Variants in ZNF565 observed in about 807,000 individuals in gnomAD.
ZNF565 encodes zinc finger protein 565.
Under a neutral mutation model 39.4 loss-of-function variants are expected in ZNF565, and 27 were observed. That is an observed-to-expected ratio of 0.69 (90% CI 0.51 to 0.95). ZNF565 has a LOEUF of 0.95. ZNF565 is among the 40% of genes least tolerant of loss of function. ZNF565 has a pLI of 0.00. For missense variants in ZNF565, 524 were observed against 621.1 expected (o/e 0.84, Z 1.66); for synonymous variants, 185 against 216.6 (o/e 0.85, Z 1.28).
At chr19:36,228,469 A>G (rs1977180692) in intron 1 of ZNF565, 1 of 152,244 alleles carries the variant, frequency 6.6e-6, no homozygotes. Context: ...TCTGAAAGGT[A>G]ATTCTCCCTT....
In ZNF565 at chr19:36,206,900, G is replaced by C. The variant is rs889106594; in HGVS notation, c.-65-4850C>G. Reference sequence around the variant, plus strand: ...ATGTCCTACAGATAAAAACAAAGAAGATTAAGGGGAGAGGGAGTTTTGGAG... The same window carrying C: ...ATGTCCTACAGATAAAAACAAAGAACATTAAGGGGAGAGGGAGTTTTGGAG... On this transcript the variant is annotated intron_variant, in intron 1 of 4. Transcript: ENST00000304116. Among the ~76,000 whole-genome samples the C allele has an allele frequency of 2.6e-5, 4 of 152,108 alleles. No individual in the cohort carries two copies. The East Asian group carries it at 7.7e-4, about 29-fold the overall frequency.
intron 1 of ZNF565, among the ~76,000 whole-genome samples, chr19:36,210,729 A>G (rs1006067826): frequency 1.3e-5 from 2 of 151,706 alleles, no homozygotes; most frequent in African/African-American, 2.4e-5. Context: ...GGCTCAAGCA[A>G]TCCTCCCGCC....
At chr19:36,220,922 G>T (rs1976809130) in intron 1 of ZNF565, among the ~76,000 whole-genome samples, 1 of 150,876 alleles carries the variant, frequency 6.6e-6, no homozygotes, top group Admixed American at 6.6e-5. Flanking sequence ...TGTGATCTTG[G>T]CTCACTTGCA....
intron 4 of ZNF565, among the ~76,000 whole-genome samples, chr19:36,187,267 A>G (rs1218135861): frequency 6.6e-6 from 1 of 152,130 alleles, no homozygotes; most frequent in Non-Finnish European, 1.5e-5. Flanking sequence ...TCAAGAAAGT[A>G]ATTCCATTCA....
intron 1 of ZNF565, among the ~76,000 whole-genome samples, chr19:36,231,452 G>GC (rs1977366712): frequency 1.3e-5 from 2 of 152,040 alleles, no homozygotes; most frequent in African/African-American, 4.8e-5. Flanking sequence ...CAAGTGATCT[G>GC]CCCGCCTCAG....
intron 3 of ZNF565, 113 bp from the exon 4 acceptor site, chr19:36,194,441 G>T: frequency 1.3e-6 from 1 of 758,786 alleles, no homozygotes; most frequent in Non-Finnish European, 2.0e-6. Context: ...GTTGTCCAAA[G>T]GATAGGAAGA....
chr19:36,183,179 G>T lies in ZNF565; in HGVS notation c.787C>A (p.His263Asn). 6.2e-7 allele frequency: 1 copy of T among 1,614,102 alleles called. No individual in the cohort carries two copies. Among genetic ancestry groups the T allele is most frequent in the Non-Finnish European group, 8.5e-7 (1 of 1,180,028 alleles). The part of the protein sequence containing the change: ...CKECGKTFRQ[H>N]SQLILHQRTH... ...CTTTGATGCAGAATCAGCTGTGAAT[G>T]CTGCCTAAAGGTCTTCCCACATTCT... The change falls in exon 5 of 5, where the codon CAT becomes AAT. Residue 263 changes from histidine (H) to asparagine (N), a missense_variant. Transcript: ENST00000304116.
In ZNF565 at chr19:36,182,348, T is replaced by C. The variant is rs376880678; in HGVS notation, c.*118A>G. 2.7e-5 allele frequency: 22 copies of C among 805,826 alleles called. No homozygotes were observed. Among genetic ancestry groups the C allele is most frequent in the African/African-American group, 2.4e-4 (14 of 58,584 alleles). The allele number at this position is 805,826 out of a possible 1,614,324, so 49.9% of individuals were successfully genotyped here. ...TGGGTGTGAGTTTTCTGATGTTCTATGATGGAAGTGACAGGTGTTTTCTGA... is the reference window on the plus strand; with the variant it reads ...TGGGTGTGAGTTTTCTGATGTTCTACGATGGAAGTGACAGGTGTTTTCTGA... On this transcript the variant is annotated 3_prime_UTR_variant, in exon 5 of 5. Coordinates refer to ENST00000304116, the MANE Select transcript of ZNF565 (RefSeq NM_152477.5).
chr19:36,212,041 T>C (rs1052591552), intron 1 of ZNF565, among the ~76,000 whole-genome samples: 3 of 152,208 alleles, frequency 2.0e-5, no homozygotes, highest in Non-Finnish European at 4.4e-5. Flanking sequence ...AATCTGGCAA[T>C]CACCGTCTTA....
intron 4 of ZNF565, among the ~76,000 whole-genome samples, chr19:36,188,744 C>T (rs1327125646): frequency 2.0e-5 from 3 of 147,696 alleles, no homozygotes; most frequent in Non-Finnish European, 4.5e-5. Context: ...ACAACAACAA[C>T]AAAAAACAGA....
At chr19:36,186,781 T>G (rs1279679933) in intron 4 of ZNF565, among the ~76,000 whole-genome samples, 3 of 151,726 alleles carry the variant, frequency 2.0e-5, no homozygotes, top group Non-Finnish European at 2.9e-5. Context: ...GAGCAAGAAC[T>G]TGTTTAAAAA....
chr19:36,228,330 G>T (rs184129564), intron 1 of ZNF565: 1 of 152,300 alleles, frequency 6.6e-6, no homozygotes, highest in Non-Finnish European at 1.5e-5. Context: ...TCAGACATGG[G>T]TGTTGAATTC....
At chr19:36,229,470 G>A (rs940555751) in intron 1 of ZNF565, among the ~76,000 whole-genome samples, 5 of 152,020 alleles carry the variant, frequency 3.3e-5, no homozygotes, top group African/African-American at 7.2e-5. Flanking sequence ...TCAGACTCCC[G>A]AAAAAATCTC....
chr19:36,182,251 A>G (rs1599903604), downstream of ZNF565: 2 of 397,940 alleles, frequency 5.0e-6, no homozygotes, highest in Non-Finnish European at 8.7e-6. Flanking sequence ...ATTTTTTTTT[A>G]GCATAGATTA....
At position 36,231,582 on chromosome 19, in the gene ZNF565, A is replaced by G. The variant is rs1213848580; in HGVS notation, c.55+13894T>C. On this transcript the variant is annotated intron_variant, in intron 1 of 4. Transcript: ENST00000355114. ...CTCCAGAGTTTCTGTCTTGCCTTAC[A>G]CAACTTTACCTGTTTATGGGACAGA... is the stretch of plus-strand genomic sequence containing the variant. Among the ~76,000 whole-genome samples the G allele has an allele frequency of 3.3e-5, 5 of 152,176 alleles. No homozygotes were observed. In the East Asian group the frequency reaches 7.7e-4, roughly 23 times the overall value.
intron 1 of ZNF565, 53 bp from the exon 2 acceptor site, chr19:36,202,103 C>A: frequency 1.1e-6 from 1 of 936,014 alleles, no homozygotes; most frequent in South Asian, 1.3e-5. Flanking sequence ...ACTGAGCTTG[C>A]CTCAGCACTC....
At chr19:36,209,702 G>A (rs1976283861) in intron 1 of ZNF565, among the ~76,000 whole-genome samples, 1 of 151,984 alleles carries the variant, frequency 6.6e-6, no homozygotes, top group Non-Finnish European at 1.5e-5. Context: ...AGTAATAAAT[G>A]AACAATCTAT....
At chr19:36,204,117 T>A (rs1450699370) in intron 1 of ZNF565, among the ~76,000 whole-genome samples, 1 of 151,372 alleles carries the variant, frequency 6.6e-6, no homozygotes, top group Non-Finnish European at 1.5e-5. Context: ...GCCTGGCTAA[T>A]TTTTGCATTT....
chr19:36,239,726 C>T (rs1239011446), intron 1 of ZNF565, among the ~76,000 whole-genome samples: 1 of 152,170 alleles, frequency 6.6e-6, no homozygotes, highest in Non-Finnish European at 1.5e-5. Flanking sequence ...CGAGCTCTGT[C>T]ACTCCTCCCA....
Sources: allele counts gnomAD v4.1 joint callset (sites outside exome capture counted in the v4.1 genomes callset), GRCh38; gene constraint gnomAD v4.1.1; transcripts MANE v1.5; gene names NCBI Gene and HGNC (gene_info 2026-07-23, HGNC 2026-07-21).